The following NEXMIF variants were observed in gnomAD, a reference collection of about 807,000 sequenced individuals.
NEXMIF encodes the protein neurite extension and migration factor, also known as XLMR protein related to neurite extension.
Under a neutral mutation model 62.1 loss-of-function variants are expected in NEXMIF, and 8 were observed. The observed-to-expected ratio is 0.13, with a 90% CI of 0.08 to 0.23. The LOEUF (loss-of-function observed/expected upper bound fraction) is 0.23, where lower values mean the gene tolerates loss of function less well. Ranked by LOEUF, NEXMIF falls within the 10% of genes least tolerant of loss-of-function variation. The pLI is 1.00. For synonymous variants in NEXMIF, 404 were observed against 416.6 expected, an observed-to-expected ratio of 0.97 and a Z score of 0.37; for missense variants, 976 against 1,113.3, an observed-to-expected ratio of 0.88 and a Z score of 1.75.
chrX:74,922,899 A>T lies in NEXMIF; in HGVS notation c.-48+1984T>A, dbSNP rs192614920. On this transcript the variant is annotated intron_variant, in intron 1 of 3. Coordinates refer to ENST00000055682, the MANE Select transcript of NEXMIF (RefSeq NM_001008537.3). Reference sequence around the variant, plus strand: ...TATGTCTGGGGGGGCCAGTTGGGACAGCCAGGTAGAGAATTCATCAGAATA... The same window carrying T: ...TATGTCTGGGGGGGCCAGTTGGGACTGCCAGGTAGAGAATTCATCAGAATA... Among the ~76,000 whole-genome samples the T allele has an allele frequency of 3.1e-3, 350 of 111,969 alleles. 2 individuals carry two copies. Among genetic ancestry groups the T allele is most frequent in the African/African-American group, 0.011 (334 of 30,817 alleles).
intron 1 of NEXMIF, among the ~76,000 whole-genome samples, chrX:74,892,020 G>A (rs766962717): frequency 3.6e-5 from 4 of 112,316 alleles, no homozygotes; most frequent in Admixed American, 9.4e-5. Flanking sequence ...GACATTTTAA[G>A]AAAAGTTTTA....
intron 1 of NEXMIF, among the ~76,000 whole-genome samples, chrX:74,907,008 C>A (rs921330959): frequency 9.0e-6 from 1 of 111,476 alleles, no homozygotes; most frequent in African/African-American, 3.3e-5. Context: ...TTTTTCAGGG[C>A]ACCTTATAAT....
At chrX:74,769,997 G>T (rs1176597146) in intron 1 of NEXMIF, among the ~76,000 whole-genome samples, 1 of 111,832 alleles carries the variant, frequency 8.9e-6, no homozygotes, top group Non-Finnish European at 1.9e-5. Context: ...GGTTGCAGGA[G>T]AAATTGTGTA....
At chrX:74,892,345 A>G (rs2080720506) in intron 1 of NEXMIF, among the ~76,000 whole-genome samples, 1 of 112,271 alleles carries the variant, frequency 8.9e-6, no homozygotes, top group Non-Finnish European at 1.9e-5. Context: ...GCTCTGGGGA[A>G]CTAACCAAAG....
chrX:74,876,416 T>C (rs1186444749), intron 1 of NEXMIF, among the ~76,000 whole-genome samples: 5 of 111,610 alleles, frequency 4.5e-5, no homozygotes, highest in Non-Finnish European at 7.5e-5. Context: ...TCCAAGTATA[T>C]GGTCAATTTT....
intron 1 of NEXMIF, among the ~76,000 whole-genome samples, chrX:74,787,104 CAAAAAAAAAAAAAA>C (rs766388500): frequency 3.1e-5 from 1 of 31,761 alleles, no homozygotes. Flanking sequence ...ACCAAAAATA[CAAAAAAAAAAAAAA>C]AAAAAAGAAA....
intron 1 of NEXMIF, among the ~76,000 whole-genome samples, chrX:74,762,960 CTTTAG>C (rs1235222370): frequency 8.9e-6 from 1 of 111,795 alleles, no homozygotes; most frequent in Non-Finnish European, 1.9e-5. Context: ...TGCAGAAGCT[CTTTAG>C]TTTAATTAGA....
chrX:74,763,106 T>C (rs370194512), intron 1 of NEXMIF, among the ~76,000 whole-genome samples: 263 of 112,125 alleles, frequency 2.3e-3, no homozygotes, highest in African/African-American at 8.0e-3. Flanking sequence ...TTAGGTCTAA[T>C]ATTTAAGTCT....
At chrX:74,800,525 G>A (rs1157229600) in intron 1 of NEXMIF, among the ~76,000 whole-genome samples, 1 of 110,622 alleles carries the variant, frequency 9.0e-6, no homozygotes, top group East Asian at 2.8e-4. Context: ...TCACAATTCA[G>A]AACAGTTCCG....
At chrX:74,872,449 G>A (rs1295400151) in intron 1 of NEXMIF, among the ~76,000 whole-genome samples, 3 of 106,041 alleles carry the variant, frequency 2.8e-5, no homozygotes, top group Non-Finnish European at 5.8e-5. Context: ...TGTGGGTGGG[G>A]GGTGGTGGGG....
chrX:74,849,321 G>A (rs1325927587), intron 1 of NEXMIF, among the ~76,000 whole-genome samples: 1 of 112,574 alleles, frequency 8.9e-6, no homozygotes. Flanking sequence ...GATTGGGTGG[G>A]AGCCCAGAGA....
chrX:74,825,441 T>A (rs1172488017), intron 1 of NEXMIF, among the ~76,000 whole-genome samples: 2 of 111,323 alleles, frequency 1.8e-5, no homozygotes, highest in Non-Finnish European at 3.8e-5. Flanking sequence ...TGCCCATGTG[T>A]TTGCATCATT....
rs1476888245 is a variant in NEXMIF at position 74,743,885 on chromosome X, G to A, written c.672C>T (p.Asp224=). ...TCTGAGCCGGATCCTCCAAGTCAAT[G>A]TCAGGTTTCTCAGTTTCTCGTCTGT... ...AGDRRETEKP[D]IDLEDPAQKS... is the part of the protein sequence containing the mutation. The change falls in exon 3 of 4, where the codon GAC becomes GAT. Residue 224 remains aspartate (D), a synonymous_variant. Coordinates refer to ENST00000055682, the MANE Select transcript of NEXMIF (RefSeq NM_001008537.3). 1.7e-6 allele frequency: 2 copies of A among 1,209,669 alleles called. No individual in the cohort carries two copies. The highest frequency in any genetic ancestry group is 1.8e-5 in the South Asian group (1 of 56,728).
intron 1 of NEXMIF, among the ~76,000 whole-genome samples, chrX:74,756,328 A>T (rs1330381518): frequency 8.9e-6 from 1 of 112,157 alleles, no homozygotes; most frequent in Non-Finnish European, 1.9e-5. Flanking sequence ...GTACTTTAAG[A>T]TGACTTTGAC....
At chrX:74,900,304 AAT>A (rs2080745197) in intron 1 of NEXMIF, among the ~76,000 whole-genome samples, 2 of 109,165 alleles carry the variant, frequency 1.8e-5, no homozygotes, top group Non-Finnish European at 3.8e-5. Context: ...TCTCTACTAA[AAT>A]ACAAAAAATT....
In NEXMIF at chrX:74,739,385, A is replaced by G; in HGVS notation, c.*20T>C. On this transcript the variant is annotated 3_prime_UTR_variant, in exon 4 of 4. Transcript: ENST00000055682. ...CATACATACCACAAGGCATATTTTG[A>G]AAGAAATAAAACACAAACATCAAAT... The G allele has an allele frequency of 8.9e-7, 1 of 1,123,828 alleles. No homozygotes were observed. The highest frequency in any genetic ancestry group is 1.8e-5 in the African/African-American group (1 of 55,188). 92.6% of individuals were successfully genotyped at this position (1,123,828 alleles called of 1,213,427 possible). A position where few individuals can be genotyped will look rare whatever the true frequency, so the allele number is the denominator to read the frequency against.
chrX:74,766,438 ATTCTTTT>A (rs1234815307), intron 1 of NEXMIF, among the ~76,000 whole-genome samples: 1 of 111,196 alleles, frequency 9.0e-6, no homozygotes, highest in African/African-American at 3.3e-5. Flanking sequence ...GTTCCTTTTT[ATTCTTTT>A]TTCTTTATTT....
chrX:74,793,509 C>G (rs183376592), intron 1 of NEXMIF, among the ~76,000 whole-genome samples: 2 of 110,995 alleles, frequency 1.8e-5, no homozygotes, highest in African/African-American at 6.6e-5. Flanking sequence ...TTTCCTGAAT[C>G]TGAAGGTTGG....
chrX:74,800,476 G>A (rs909272788), intron 1 of NEXMIF, among the ~76,000 whole-genome samples: 2 of 110,407 alleles, frequency 1.8e-5, no homozygotes, highest in South Asian at 3.9e-4. Context: ...AGTTCTATGA[G>A]TTTTTACAGA....
Sources: allele counts gnomAD v4.1 joint callset (sites outside exome capture counted in the v4.1 genomes callset), GRCh38; gene constraint gnomAD v4.1.1; transcripts MANE v1.5; gene names NCBI Gene and HGNC (gene_info 2026-07-23, HGNC 2026-07-21).